Variants in LGMN observed in about 807,000 individuals in gnomAD.
The protein encoded by LGMN is legumain, also known as asparaginyl endopeptidase.
A neutral mutation model predicts 56.8 loss-of-function variants in LGMN; 36 were observed. The observed-to-expected ratio is 0.63, with a 90% CI of 0.49 to 0.84. The LOEUF is 0.84. Among genes scored for constraint, LGMN ranks in the 40% least tolerant of loss-of-function variants. LGMN has a pLI of 0.00. For synonymous variants in LGMN, 199 were observed against 210.1 expected (o/e 0.95, Z 0.46); for missense variants, 446 against 556.1 (o/e 0.80, Z 1.99).
rs1222836383 is a variant in LGMN at position 92,739,616 on chromosome 14, T to C, written c.-29-6801A>G. 2.0e-5 allele frequency among the ~76,000 whole-genome samples: 3 copies of C among 152,220 alleles called. No individual in the cohort carries two copies. In the East Asian group the frequency reaches 5.8e-4, roughly 29 times the overall value. ...AAAAACATAGGTTGTCAGATAGTGATGACAGTGATGGACAAAAATAAGGCA... is the reference window on the plus strand; with the variant it reads ...AAAAACATAGGTTGTCAGATAGTGACGACAGTGATGGACAAAAATAAGGCA... On this transcript the variant is annotated intron_variant, in intron 1 of 13. Transcript: ENST00000334869.
chr14:92,739,949 G>C (rs958124947), intron 1 of LGMN, among the ~76,000 whole-genome samples: 4 of 151,794 alleles, frequency 2.6e-5, no homozygotes, highest in African/African-American at 7.3e-5. Context: ...AGCCAGGGGA[G>C]ATCAGAGAGA....
rs1447827463 is a variant in LGMN, at chr14:92,714,611, T to C, written c.405-160A>G. 2.6e-5 allele frequency among the ~76,000 whole-genome samples: 4 copies of C among 152,326 alleles called. No individual in the cohort carries two copies. In the East Asian group the frequency reaches 7.7e-4, roughly 29 times the overall value. Reference sequence around the variant, plus strand: ...AGGGCCCGGTGCCCGGTGTCTGGCCTGTCCCCTCCACTCCCCTTGGTGTGA... The same window carrying C: ...AGGGCCCGGTGCCCGGTGTCTGGCCCGTCCCCTCCACTCCCCTTGGTGTGA... On this transcript the variant is annotated intron_variant, in intron 5 of 13. Coordinates refer to ENST00000334869, the MANE Select transcript of LGMN (RefSeq NM_005606.7). This position sits in a 1 kb window ranked among gnomAD's most constrained non-coding sequence, Gnocchi z 5.1.
At chr14:92,746,072 C>T (rs1424059516) in intron 1 of LGMN, among the ~76,000 whole-genome samples, 1 of 152,184 alleles carries the variant, frequency 6.6e-6, no homozygotes, top group African/African-American at 2.4e-5. Context: ...CCGCCCGCCT[C>T]GGCCTCCCAA....
At position 92,748,473 on chromosome 14, in the gene LGMN, TG is replaced by T. The variant is rs1354763751; in HGVS notation, c.-30+15del. The T allele has an allele frequency of 6.5e-6, 1 of 154,244 alleles. No individual in the cohort carries two copies. Among genetic ancestry groups the T allele is most frequent in the Non-Finnish European group, 1.5e-5 (1 of 68,758 alleles). 9.6% of individuals were successfully genotyped at this position (154,244 alleles called of 1,614,324 possible). On this transcript the variant is annotated intron_variant, in intron 1 of 13. Coordinates refer to ENST00000334869, the MANE Select transcript of LGMN (RefSeq NM_005606.7). Reference sequence around the variant, plus strand: ...GTGGGGACTGAACCCGGTTCTGTGCTGGGGCTCGCGGTTACCTGTGGCAGGC... The same window carrying T: ...GTGGGGACTGAACCCGGTTCTGTGCTGGGCTCGCGGTTACCTGTGGCAGGC...
intron 1 of LGMN, among the ~76,000 whole-genome samples, chr14:92,743,301 AC>A (rs1227634982): frequency 6.6e-6 from 1 of 152,152 alleles, no homozygotes; most frequent in African/African-American, 2.4e-5. Flanking sequence ...GGAGATCGAG[AC>A]CATCCTGACT....
chr14:92,744,216 T>C (rs1473468711), intron 1 of LGMN, among the ~76,000 whole-genome samples: 1 of 152,198 alleles, frequency 6.6e-6, no homozygotes, highest in Admixed American at 6.5e-5. Flanking sequence ...TGTTGTTTTT[T>C]CCTACAGAGA....
At chr14:92,727,017 C>T (rs1482788330) in intron 2 of LGMN, among the ~76,000 whole-genome samples, 3 of 152,150 alleles carry the variant, frequency 2.0e-5, no homozygotes, top group African/African-American at 2.4e-5. Context: ...ACATAGATGC[C>T]CTCTTTTTCT....
chr14:92,726,332 C>A (rs1890737489), intron 2 of LGMN, among the ~76,000 whole-genome samples: 1 of 152,184 alleles, frequency 6.6e-6, no homozygotes, highest in East Asian at 1.9e-4. Flanking sequence ...CTGGCCACTC[C>A]CTCTCGCCTC....
At chr14:92,717,582 A>T (rs1566922364) in intron 3 of LGMN, 121 bp from the exon 4 acceptor site, 1 of 710,726 alleles carries the variant, frequency 1.4e-6, no homozygotes. Flanking sequence ...GAAACAACTT[A>T]TGGCCTGCAG....
At chr14:92,719,313 C>T (rs1182946028) in intron 2 of LGMN, among the ~76,000 whole-genome samples, 1 of 46,188 alleles carries the variant, frequency 2.2e-5, no homozygotes, top group South Asian at 7.6e-4. Context: ...CCGCCGCCAC[C>T]GCCGCCGCCG....
At position 92,711,863 on chromosome 14, in the gene LGMN, C is replaced by T. The variant is rs762575227; in HGVS notation, c.703G>A (p.Val235Ile). ...ACGTCCGAATCTTCCATCCAGTTGA[C>T]GCTGTACCAGTCCCCCAGGTACGTG... ...RSTYLGDWYS[V>I]NWMEDSDVED... Residue 235 changes from valine to isoleucine, a missense_variant, in exon 9 of 14, where the codon GTC (valine) becomes ATC (isoleucine). Coordinates refer to ENST00000334869, the MANE Select transcript of LGMN (RefSeq NM_005606.7). The T allele has an allele frequency of 2.4e-5, 38 of 1,613,694 alleles. No homozygotes were observed. The highest frequency in any genetic ancestry group is 5.5e-5 in the South Asian group (5 of 91,086).
chr14:92,708,995 C>A (rs889897147), intron 11 of LGMN, among the ~76,000 whole-genome samples: 4 of 152,134 alleles, frequency 2.6e-5, no homozygotes, highest in Middle Eastern at 3.2e-3. Flanking sequence ...CAGCCCTCTG[C>A]CCAGCATTCC....
Position 92,714,332 on chromosome 14 carries a change from T to C in LGMN, c.480+44A>G, listed in dbSNP as rs564220722. 1.5e-6 allele frequency: 2 copies of C among 1,345,914 alleles called. No homozygotes were observed. The highest frequency in any genetic ancestry group is 1.2e-5 in the South Asian group (1 of 84,398). 83.4% of individuals were successfully genotyped at this position (1,345,914 alleles called of 1,614,324 possible). A position where few individuals can be genotyped will look rare whatever the true frequency, so the allele number is the denominator to read the frequency against. ...TTTAATCTCGACACCTAGGCTTGCT[T>C]TTCTGTTCTGCTAGTTTGTCCTTAA... On this transcript the variant is annotated intron_variant, in intron 6 of 13. Coordinates refer to ENST00000334869, the MANE Select transcript of LGMN (RefSeq NM_005606.7). The surrounding 1 kb of genome is among the most constrained non-coding windows in gnomAD (Gnocchi z 5.1).
Position 92,737,327 on chromosome 14 carries a change from AG to A in LGMN, c.-29-4513del, listed in dbSNP as rs149080450. Reference sequence around the variant, plus strand: ...CCCTCCTTCACCAGACACTCCCTACAGGGCAAGTTCACCTAACTCCTCAAGA... The same window carrying A: ...CCCTCCTTCACCAGACACTCCCTACAGGCAAGTTCACCTAACTCCTCAAGA... On this transcript the variant is annotated intron_variant, in intron 1 of 13. Coordinates refer to ENST00000334869, the MANE Select transcript of LGMN (RefSeq NM_005606.7). Among the ~76,000 whole-genome samples, 198 of 152,224 alleles carry A rather than the reference AG, an allele frequency of 1.3e-3. 5 individuals carry two copies. In the East Asian group the frequency reaches 0.017, roughly 13 times the overall value.
At chr14:92,713,772 G>T in intron 7 of LGMN, 51 bp downstream of exon 7, 1 of 1,320,906 alleles carries the variant, frequency 7.6e-7, no homozygotes, top group Non-Finnish European at 1.1e-6. Context: ...TGCACTCACG[G>T]CTTTCCTCAC....
At chr14:92,732,097 C>T (rs557228709) in intron 2 of LGMN, among the ~76,000 whole-genome samples, 1 of 152,348 alleles carries the variant, frequency 6.6e-6, no homozygotes, top group East Asian at 1.9e-4. Context: ...CTGGTCCCCA[C>T]TTGCCATGTG....
rs757459130 is a variant in LGMN at position 92,711,686 on chromosome 14, G to A, written c.792C>T (p.Thr264=). Residue 264 remains threonine, a synonymous_variant, in exon 10 of 14, where the codon ACC becomes ACT. Transcript: ENST00000334869. The stretch of plus-strand genomic sequence containing the variant: ...TGTTTCCATACTGCATGACGTGGCT[G>A]GTGTTGGTGTGCGATTTTACCAGGT... ...QYHLVKSHTN[T]SHVMQYGNKT... 1.2e-6 allele frequency: 2 copies of A among 1,614,242 alleles called. No individual in the cohort carries two copies. Among genetic ancestry groups the A allele is most frequent in the South Asian group, 2.2e-5 (2 of 91,088 alleles).
chr14:92,739,927 A>G (rs1891472541), intron 1 of LGMN, among the ~76,000 whole-genome samples: 1 of 152,206 alleles, frequency 6.6e-6, no homozygotes, highest in African/African-American at 2.4e-5. Context: ...CAACACAGAC[A>G]GTCGTTGCCC....
chr14:92,705,536 A>G (rs1209128679), intron 12 of LGMN, among the ~76,000 whole-genome samples: 1 of 151,990 alleles, frequency 6.6e-6, no homozygotes, highest in Non-Finnish European at 1.5e-5. Context: ...ACAAGACTGG[A>G]GGGGTAAAGT....
Sources: allele counts gnomAD v4.1 joint callset (sites outside exome capture counted in the v4.1 genomes callset), GRCh38; gene constraint gnomAD v4.1.1; non-coding constraint Gnocchi (gnomAD v3.1); transcripts MANE v1.5; gene names NCBI Gene and HGNC (gene_info 2026-07-23, HGNC 2026-07-21).